ITGB4: variants seen among roughly 807,000 people sequenced by gnomAD.
ITGB4 encodes the protein integrin beta-4.
ITGB4 carries 159 observed loss-of-function variants against 207.6 expected under a neutral mutation model. The observed-to-expected ratio is 0.77, with a 90% confidence interval of 0.67 to 0.87. The LOEUF is 0.87. Among genes scored for constraint, ITGB4 ranks in the 40% least tolerant of loss-of-function variants. The probability of loss-of-function intolerance (pLI) is 0.00; values close to 1 mark genes in which losing one functional copy is unlikely to be tolerated. For synonymous variants in ITGB4, 1,020 were observed against 1,062.7 expected (o/e 0.96, Z 0.78); for missense variants, 2,278 against 2,546.8 (o/e 0.89, Z 2.27).
At position 75,731,252 on chromosome 17, in the gene ITGB4, C is replaced by T. The variant is rs779037959; in HGVS notation, c.1099C>T (p.Arg367Cys). Residue 367 changes from arginine (R) to cysteine (C), a missense_variant, in exon 10 of 40, where the codon CGC becomes TGC. Physicochemically the swap from Arg to Cys is radical, Grantham distance 180. Coordinates refer to ENST00000200181, the MANE Select transcript of ITGB4 (RefSeq NM_000213.5). This position sits in a 1 kb window ranked among gnomAD's most constrained non-coding sequence, Gnocchi z 6.8. The stretch of plus-strand genomic sequence containing the variant: ...AACCTCCTTCCTCCTTTAGCGGATC[C>T]GCTCCAACCTGGACATCCGGGCCCT... ...ELLEEAFNRIRSNLDIRALDS... is the reference protein window; with the variant it reads ...ELLEEAFNRICSNLDIRALDS... 1.9e-5 allele frequency: 30 copies of T among 1,613,402 alleles called. No homozygotes were observed. The highest frequency in any genetic ancestry group is 2.2e-5 in the East Asian group (1 of 44,864).
Position 75,756,894 on chromosome 17 carries a change from G to T in ITGB4, c.5053+35G>T. The T allele has an allele frequency of 1.9e-6, 3 of 1,612,276 alleles. No individual in the cohort carries two copies. The highest frequency in any genetic ancestry group is 2.7e-5 in the African/African-American group (2 of 75,036). On this transcript the variant is annotated intron_variant, in intron 37 of 39. Coordinates refer to ENST00000200181, the MANE Select transcript of ITGB4 (RefSeq NM_000213.5). ...ACCCCGGGGGCAGGAGTGGCCAGGG[G>T]AGGGGTAAAGAGGGGGCCGCAGACG... is the stretch of plus-strand genomic sequence containing the variant.
chr17:75,757,676 C>A lies in ITGB4; in HGVS notation c.*121C>A. ...GCCCAGCCCACCCGCATGCACAGAG[C>A]AGGGGCTAGGTGTCTCCTGGGAGGC... is the stretch of plus-strand genomic sequence containing the variant. On this transcript the variant is annotated 3_prime_UTR_variant, in exon 40 of 40. Coordinates refer to ENST00000200181, the MANE Select transcript of ITGB4 (RefSeq NM_000213.5). 2 of 1,383,940 alleles carry A rather than the reference C, an allele frequency of 1.4e-6. No homozygotes were observed. The highest frequency in any genetic ancestry group is 2.0e-6 in the Non-Finnish European group (2 of 980,338). 85.7% of individuals were successfully genotyped at this position (1,383,940 alleles called of 1,614,324 possible). A position where few individuals can be genotyped will look rare whatever the true frequency, so the allele number is the denominator to read the frequency against.
chr17:75,723,546 C>T (rs764012187), intron 1 of ITGB4, among the ~76,000 whole-genome samples: 1 of 152,244 alleles, frequency 6.6e-6, no homozygotes. Context: ...GGCTGCCTCC[C>T]AGTCCCTGTG....
chr17:75,723,354 TGGGA>T (rs1883603093), intron 1 of ITGB4, among the ~76,000 whole-genome samples: 1 of 152,102 alleles, frequency 6.6e-6, no homozygotes, highest in Non-Finnish European at 1.5e-5. Context: ...CCAGGGACAG[TGGGA>T]GGAAGAGCTG....
rs929040605 is a variant in ITGB4 at position 75,742,178 on chromosome 17, T to TATGGGGCTGGC, written c.2634-160_2634-150dup. The stretch of plus-strand genomic sequence containing the variant: ...TGGGCTGAGGCTGCAGGGTAAAGGG[T>TATGGGGCTGGC]ATGGGGCTGGCATAGGCCTGGAGCA... On this transcript the variant is annotated intron_variant, in intron 23 of 39. Transcript: ENST00000200181. This position sits in a 1 kb window ranked among gnomAD's most constrained non-coding sequence, Gnocchi z 5.9. Among the ~76,000 whole-genome samples the TATGGGGCTGGC allele has an allele frequency of 2.0e-5, 3 of 152,082 alleles. No homozygotes were observed. Among genetic ancestry groups the TATGGGGCTGGC allele is most frequent in the African/African-American group, 7.2e-5 (3 of 41,422 alleles).
chr17:75,736,757 A>T, intron 16 of ITGB4, 63 bp downstream of exon 16: 2 of 1,542,788 alleles, frequency 1.3e-6, no homozygotes, highest in Non-Finnish European at 1.8e-6. Flanking sequence ...CCAACGGGGC[A>T]AGGGTGTCAT....
At chr17:75,748,070 C>A (rs747876460) in intron 26 of ITGB4, among the ~76,000 whole-genome samples, 1 of 151,986 alleles carries the variant, frequency 6.6e-6, no homozygotes, top group Non-Finnish European at 1.5e-5. Flanking sequence ...GCATGCTCCA[C>A]GGCACTGAAA....
chr17:75,733,834 C>CT (rs2060917121), intron 13 of ITGB4, 142 bp downstream of exon 13: 2 of 929,210 alleles, frequency 2.2e-6, no homozygotes, highest in African/African-American at 3.3e-5. Context: ...TCTGGATGCC[C>CT]TGAGGGCCGC....
At position 75,731,241 on chromosome 17, in the gene ITGB4, T is replaced by G. The variant is rs1010473905; in HGVS notation, c.1093-5T>G. 2.5e-6 allele frequency: 4 copies of G among 1,613,190 alleles called. No homozygotes were observed. The highest frequency in any genetic ancestry group is 3.4e-6 in the Non-Finnish European group (4 of 1,180,016). On this transcript the variant is annotated splice_region_variant and splice_polypyrimidine_tract_variant and intron_variant, in intron 9 of 39. Transcript: ENST00000200181. The surrounding 1 kb of genome is among the most constrained non-coding windows in gnomAD (Gnocchi z 6.8). Reference sequence around the variant, plus strand: ...GAGCACTGATCAACCTCCTTCCTCCTTTAGCGGATCCGCTCCAACCTGGAC... The same window carrying G: ...GAGCACTGATCAACCTCCTTCCTCCGTTAGCGGATCCGCTCCAACCTGGAC...
At chr17:75,735,079 T>TATTG (rs546066733) in intron 13 of ITGB4, among the ~76,000 whole-genome samples, 10 of 152,328 alleles carry the variant, frequency 6.6e-5, no homozygotes, top group South Asian at 6.2e-4. Flanking sequence ...AAGACAATTT[T>TATTG]ATTGATTGAT....
chr17:75,724,580 G>T, intron 1 of ITGB4, 114 bp from the exon 2 acceptor site: 3 of 862,382 alleles, frequency 3.5e-6, no homozygotes, highest in Non-Finnish European at 5.9e-6. Flanking sequence ...GGGCGCCCTT[G>T]GTCACATTGT....
At chr17:75,751,937 C>T in intron 30 of ITGB4, 1 of 593,498 alleles carries the variant, frequency 1.7e-6, no homozygotes, top group Non-Finnish European at 3.1e-6. Context: ...TTGAGTCCAG[C>T]CCTGGCTCTG....
At position 75,731,562 on chromosome 17, in the gene ITGB4, C is replaced by A. The variant is rs1338383909; in HGVS notation, c.1215+194C>A. ...GTTTCCTCGGCATGCAAGCGTCGAG[C>A]CCGGAGGCTTGCTGGGGCAGTAAAT... On this transcript the variant is annotated intron_variant, in intron 10 of 39. Coordinates refer to ENST00000200181, the MANE Select transcript of ITGB4 (RefSeq NM_000213.5). This position sits in a 1 kb window ranked among gnomAD's most constrained non-coding sequence, Gnocchi z 6.8. Among the ~76,000 whole-genome samples the A allele has an allele frequency of 6.6e-6, 1 of 152,190 alleles. No individual in the cohort carries two copies. Among genetic ancestry groups the A allele is most frequent in the African/African-American group, 2.4e-5 (1 of 41,462 alleles).
rs2061059891 is a variant in ITGB4, at chr17:75,739,638, C to T, written c.2221-34C>T. The T allele has an allele frequency of 1.9e-6, 3 of 1,613,820 alleles. No individual in the cohort carries two copies. In the Admixed American group the frequency reaches 5.0e-5, roughly 27 times the overall value. On this transcript the variant is annotated intron_variant, in intron 18 of 39. Coordinates refer to ENST00000200181, the MANE Select transcript of ITGB4 (RefSeq NM_000213.5). The surrounding 1 kb of genome is among the most constrained non-coding windows in gnomAD (Gnocchi z 5.4). ...GGCTTACCTGGGCCAGGGCAGCTGTCTCAGGCCTCACCCTCACCCACCTTG... is the reference window on the plus strand; with the variant it reads ...GGCTTACCTGGGCCAGGGCAGCTGTTTCAGGCCTCACCCTCACCCACCTTG...
Position 75,739,800 on chromosome 17 carries a change from G to A in ITGB4, c.2255-80G>A. 1.9e-6 allele frequency: 3 copies of A among 1,606,924 alleles called. No homozygotes were observed. ...GCTGAACCTGGAACGGCAGAGGCTG[G>A]AGGCTCTGGGGTCCCACCTGAAGAG... On this transcript the variant is annotated intron_variant, in intron 19 of 39. Coordinates refer to ENST00000200181, the MANE Select transcript of ITGB4 (RefSeq NM_000213.5). The surrounding 1 kb of genome is among the most constrained non-coding windows in gnomAD (Gnocchi z 5.4).
intron 7 of ITGB4, 93 bp from the exon 8 acceptor site, chr17:75,730,148 T>C: frequency 3.2e-6 from 5 of 1,550,716 alleles, no homozygotes; most frequent in African/African-American, 1.4e-5. Context: ...CCCAGCCCCA[T>C]GTTGGGACCC....
rs780295902 is a variant in ITGB4, at chr17:75,755,768, ATC to A, written c.4631_4632del (p.Leu1544GlnfsTer27). On this transcript the variant is annotated frameshift_variant, in exon 35 of 40. Transcript: ENST00000200181. LOFTEE classifies it high-confidence loss of function. ...RLVFSALGPT[S>X]LRVSWQEPRC... is the part of the protein sequence containing the mutation. ...TGGTGTTCTCTGCCCTGGGGCCCAC[ATC>A]TCTCAGAGTGAGCTGGCAGGAGCCG... 5.6e-6 allele frequency: 9 copies of A among 1,612,568 alleles called. No individual in the cohort carries two copies. Among genetic ancestry groups the A allele is most frequent in the Middle Eastern group, 1.7e-4 (1 of 6,060 alleles).
rs748223473 is a variant in ITGB4 at position 75,756,860 on chromosome 17, G to A, written c.5053+1G>A. 17 of 1,612,164 alleles carry A rather than the reference G, an allele frequency of 1.1e-5. No individual in the cohort carries two copies. Among genetic ancestry groups the A allele is most frequent in the Non-Finnish European group, 2.5e-6 (3 of 1,179,972 alleles). Reference sequence around the variant, plus strand: ...ACCTGTGAGATGGCCCAAGGAGGAGGTGCTGCCCACCCCGGGGGCAGGAGT... The same window carrying A: ...ACCTGTGAGATGGCCCAAGGAGGAGATGCTGCCCACCCCGGGGGCAGGAGT... On this transcript the variant is annotated splice_donor_variant, in intron 37 of 39. Coordinates refer to ENST00000200181, the MANE Select transcript of ITGB4 (RefSeq NM_000213.5). LOFTEE classifies it high-confidence loss of function.
Position 75,756,431 on chromosome 17 carries a change from G to A in ITGB4, c.4711G>A (p.Glu1571Lys). The A allele has an allele frequency of 6.2e-7, 1 of 1,613,290 alleles. No individual in the cohort carries two copies. The highest frequency in any genetic ancestry group is 8.5e-7 in the Non-Finnish European group (1 of 1,180,006). The stretch of plus-strand genomic sequence containing the variant: ...GTGCCCCCACCTGATCCCCCCAGGT[G>A]AGCTGCATCGGCTCAACATCCCCAA... The part of the protein sequence containing the change: ...SVEYQLLNGG[E>K]LHRLNIPNPA... Residue 1571 changes from glutamate to lysine, a missense_variant and splice_region_variant, in exon 36 of 40, where the codon GAG (glutamate) becomes AAG (lysine). Glu to Lys is a moderately conservative substitution (Grantham distance 56). Coordinates refer to ENST00000200181, the MANE Select transcript of ITGB4 (RefSeq NM_000213.5).
Sources: allele counts gnomAD v4.1 joint callset (sites outside exome capture counted in the v4.1 genomes callset), GRCh38; gene constraint gnomAD v4.1.1; non-coding constraint Gnocchi (gnomAD v3.1); transcripts MANE v1.5; gene names NCBI Gene and HGNC (gene_info 2026-07-23, HGNC 2026-07-21).